Variants in C21orf58 observed in about 807,000 individuals in gnomAD.
C21orf58 encodes uncharacterized protein C21orf58.
Under a neutral mutation model 35.8 loss-of-function variants are expected in C21orf58, and 34 were observed. That is an observed-to-expected ratio of 0.95 (90% confidence interval 0.72 to 1.26). C21orf58 has a LOEUF of 1.26. C21orf58 is among the 50% of genes most tolerant of loss of function. The probability of loss-of-function intolerance (pLI) is 0.00; values close to 1 mark genes in which losing one functional copy is unlikely to be tolerated. For synonymous variants in C21orf58, 191 were observed against 175.8 expected (o/e 1.09, Z -0.68); for missense variants, 440 against 414.3 (o/e 1.06, Z -0.54).
Position 46,302,992 on chromosome 21 carries a change from A to G in C21orf58, c.722-416T>C, listed in dbSNP as rs2082194576. Among the ~76,000 whole-genome samples, 3 of 151,336 alleles carry G rather than the reference A, an allele frequency of 2.0e-5. No individual in the cohort carries two copies. In the South Asian group the frequency reaches 6.2e-4, roughly 31 times the overall value. ...GTGCGGGTCCCCGGGGCGCGCCCTG[A>G]GTCTCTACTAAAAATACAAAAATTA... On this transcript the variant is annotated intron_variant, in intron 6 of 7. Coordinates refer to ENST00000291691, the MANE Select transcript of C21orf58 (RefSeq NM_058180.5).
At chr21:46,311,958 TCCACCCAC>T (rs1338339146) in intron 5 of C21orf58, among the ~76,000 whole-genome samples, 1 of 85,944 alleles carries the variant, frequency 1.2e-5, no homozygotes, top group African/African-American at 4.7e-5. Flanking sequence ...CACCCATCCA[TCCACCCAC>T]CCACCCACCC....
At position 46,311,546 on chromosome 21, in the gene C21orf58, T is replaced by C; in HGVS notation, c.631A>G (p.Ile211Val). The C allele has an allele frequency of 6.2e-7, 1 of 1,611,280 alleles. No individual in the cohort carries two copies. Among genetic ancestry groups the C allele is most frequent in the Non-Finnish European group, 8.5e-7 (1 of 1,178,760 alleles). Reference sequence around the variant, plus strand: ...GGCTGCTGAGGGAGCTGCTGAATGATGGTGGCAGGAGGCTGGGGGACCTAG... The same window carrying C: ...GGCTGCTGAGGGAGCTGCTGAATGACGGTGGCAGGAGGCTGGGGGACCTAG... The part of the protein sequence containing the change: ...LPTVPQPPAT[I>V]IQQLPQQPLI... Residue 211 changes from isoleucine to valine, a missense_variant, in exon 6 of 8, where the codon ATC becomes GTC. Transcript: ENST00000291691.
chr21:46,315,066 C>G (rs768430555), intron 4 of C21orf58, 186 bp from the exon 5 acceptor site: 57 of 1,478,424 alleles, frequency 3.9e-5, no homozygotes, highest in Non-Finnish European at 5.1e-5. Flanking sequence ...TTGACCCAAG[C>G]GTGTCAGCTA....
intron 3 of C21orf58, 72 bp downstream of exon 3, chr21:46,317,136 G>C: frequency 7.2e-7 from 1 of 1,380,188 alleles, no homozygotes; most frequent in Non-Finnish European, 1.0e-6. Context: ...CCTCCCCCTG[G>C]AGGTGGCTCC....
chr21:46,303,706 A>ATAT (rs1209729930), intron 6 of C21orf58, among the ~76,000 whole-genome samples: 2 of 25,750 alleles, frequency 7.8e-5, no homozygotes, highest in East Asian at 1.7e-3. Flanking sequence ...ACACACACAC[A>ATAT]AAATATATAT....
At chr21:46,305,569 A>ATCC (rs796636192) in intron 6 of C21orf58, among the ~76,000 whole-genome samples, 5 of 152,138 alleles carry the variant, frequency 3.3e-5, no homozygotes, top group African/African-American at 1.2e-4. Context: ...GGCTCAAGTG[A>ATCC]TCCTCCCATA....
chr21:46,315,168 A>G, intron 4 of C21orf58: 1 of 707,908 alleles, frequency 1.4e-6, no homozygotes, highest in Admixed American at 3.0e-5. Context: ...CCCCCTAGAA[A>G]AGCGGCCCCA....
intron 5 of C21orf58, chr21:46,312,966 T>G (rs753159614): frequency 7.7e-5 from 76 of 984,248 alleles, no homozygotes; most frequent in Non-Finnish European, 8.9e-5. Context: ...TAGCCAAATA[T>G]TCGAGCATGA....
At chr21:46,315,422 A>T in intron 4 of C21orf58, 52 bp downstream of exon 4, 1 of 1,125,876 alleles carries the variant, frequency 8.9e-7, no homozygotes, top group Non-Finnish European at 1.4e-6. Context: ...CTGAGCAGCT[A>T]TCTCTGCTAC....
intron 1 of C21orf58, chr21:46,318,430 A>AAGTGGGCAGCAGCTGAGGCAGAGGGGC (rs2083055199): frequency 1.4e-6 from 2 of 1,424,108 alleles, no homozygotes; most frequent in Non-Finnish European, 1.8e-6. Context: ...GAAGGCAAAA[A>AAGTGGGCAGCAGCTGAGGCAGAGGGGC]AGTGGGCAGC....
chr21:46,300,431 C>CAAA, downstream of C21orf58: 1 of 199,962 alleles, frequency 5.0e-6, no homozygotes, highest in Non-Finnish European at 1.0e-5. Flanking sequence ...AACTCTGTCT[C>CAAA]AAAAAAAAAC....
chr21:46,300,786 G>T (rs1339752172), downstream of C21orf58: 1 of 1,289,226 alleles, frequency 7.8e-7, no homozygotes, highest in South Asian at 1.2e-5. Context: ...AGGAATGAAA[G>T]AATCTGTCCT....
At chr21:46,300,910 G>C, downstream of C21orf58, 1 of 910,996 alleles carries the variant, frequency 1.1e-6, no homozygotes, top group Non-Finnish European at 1.5e-6. Context: ...GTAAAGAAAA[G>C]AAATAGTCAA....
intron 3 of C21orf58, among the ~76,000 whole-genome samples, chr21:46,316,501 A>C (rs1226737669): frequency 6.6e-6 from 1 of 152,176 alleles, no homozygotes; most frequent in East Asian, 1.9e-4. Context: ...GTCTACACTC[A>C]AGAGAAGGCT....
At chr21:46,316,143 A>G (rs1420877711) in intron 3 of C21orf58, among the ~76,000 whole-genome samples, 1 of 151,568 alleles carries the variant, frequency 6.6e-6, no homozygotes, top group Non-Finnish European at 1.5e-5. Context: ...AGCGAGACCA[A>G]CCCTGTCTCA....
chr21:46,302,345 G>T, intron 7 of C21orf58, 140 bp downstream of exon 7: 1 of 1,105,692 alleles, frequency 9.0e-7, no homozygotes, highest in Non-Finnish European at 1.3e-6. Context: ...GGACTCGATG[G>T]GGATGGGGGC....
At chr21:46,315,158 C>A in intron 4 of C21orf58, 2 of 785,196 alleles carry the variant, frequency 2.5e-6, no homozygotes, top group Middle Eastern at 5.7e-4. Context: ...TTCTAGGTCT[C>A]CCCCTAGAAA....
chr21:46,309,682 G>T (rs1349489855), intron 6 of C21orf58, among the ~76,000 whole-genome samples: 2 of 151,988 alleles, frequency 1.3e-5, no homozygotes, highest in Non-Finnish European at 1.5e-5. Flanking sequence ...TACATACTGT[G>T]TAGACCATTT....
rs1056263371 is a variant in C21orf58, at chr21:46,323,433, G to T, written c.-695C>A. On this transcript the variant is annotated 5_prime_UTR_variant, in exon 1 of 8. Coordinates refer to ENST00000291691, the MANE Select transcript of C21orf58 (RefSeq NM_058180.5). ...GACCTAAGACATCAGTGAGACACAC[G>T]AGCAGACACGGGCTCGGTCGGGAAA... 1 of 152,042 alleles carries T rather than the reference G, an allele frequency of 6.6e-6. No individual in the cohort carries two copies. Among genetic ancestry groups the T allele is most frequent in the African/African-American group, 2.4e-5 (1 of 41,350 alleles). 9.4% of individuals were successfully genotyped at this position (152,042 alleles called of 1,614,324 possible).
Sources: allele counts gnomAD v4.1 joint callset (sites outside exome capture counted in the v4.1 genomes callset), GRCh38; gene constraint gnomAD v4.1.1; transcripts MANE v1.5; gene names NCBI Gene and HGNC (gene_info 2026-07-23, HGNC 2026-07-21).